GRM5: variants seen among roughly 807,000 people sequenced by gnomAD.
GRM5 encodes the protein glutamate metabotropic receptor 5, also known as metabotropic glutamate receptor 5.
In GRM5, 19 loss-of-function variants were observed where a neutral mutation model predicts 83.1. The observed-to-expected ratio is 0.23, with a 90% CI of 0.16 to 0.34. The LOEUF (loss-of-function observed/expected upper bound fraction) is 0.34. Among genes scored for constraint, GRM5 ranks in the 10% least tolerant of loss-of-function variants. GRM5 has a pLI of 1.00. For synonymous variants in GRM5, 675 were observed against 633.6 expected (o/e 1.07, Z -0.98); for missense variants, 1,160 against 1,588.3 (o/e 0.73, Z 4.58).
At chr11:89,014,494 A>C (rs1311751320) in intron 2 of GRM5, among the ~76,000 whole-genome samples, 1 of 151,988 alleles carries the variant, frequency 6.6e-6, no homozygotes, top group Non-Finnish European at 1.5e-5. Context: ...GTACATAGAG[A>C]GTAGAAAAAT....
intron 3 of GRM5, among the ~76,000 whole-genome samples, chr11:88,724,139 C>A (rs1941616464): frequency 6.6e-6 from 1 of 152,166 alleles, no homozygotes; most frequent in Non-Finnish European, 1.5e-5. Flanking sequence ...TGACCATTTT[C>A]TTTCCTGCTT....
intron 2 of GRM5, among the ~76,000 whole-genome samples, chr11:88,987,403 C>A (rs1939764106): frequency 6.6e-6 from 1 of 152,050 alleles, no homozygotes; most frequent in Admixed American, 6.6e-5. Flanking sequence ...AGTCTGAGAT[C>A]AAACTGCAAG....
At chr11:88,996,786 A>G (rs1940198699) in intron 2 of GRM5, among the ~76,000 whole-genome samples, 1 of 152,256 alleles carries the variant, frequency 6.6e-6, no homozygotes, top group Admixed American at 6.5e-5. Context: ...ACTTGAAATC[A>G]TGCAGAATGT....
At chr11:88,942,283 G>C (rs957920115) in intron 2 of GRM5, among the ~76,000 whole-genome samples, 1 of 151,984 alleles carries the variant, frequency 6.6e-6, no homozygotes, top group African/African-American at 2.4e-5. Flanking sequence ...CAAATGATTT[G>C]GCAAGAGGGA....
intron 2 of GRM5, among the ~76,000 whole-genome samples, chr11:89,016,488 T>C (rs1940859545): frequency 6.6e-6 from 1 of 152,108 alleles, no homozygotes; most frequent in South Asian, 2.1e-4. Context: ...TAATATTACA[T>C]TTCCAATATT....
chr11:88,979,272 T>C (rs904109879), intron 2 of GRM5, among the ~76,000 whole-genome samples: 1 of 152,166 alleles, frequency 6.6e-6, no homozygotes, highest in Non-Finnish European at 1.5e-5. Context: ...CTAACTAGTC[T>C]CACTATCATG....
intron 3 of GRM5, among the ~76,000 whole-genome samples, chr11:88,743,773 C>T (rs555295251): frequency 1.3e-5 from 2 of 152,230 alleles, no homozygotes; most frequent in Admixed American, 6.5e-5. Flanking sequence ...TAACAATTTT[C>T]CACAAGTAGT....
chr11:88,942,382 T>G (rs1218186865), intron 2 of GRM5, among the ~76,000 whole-genome samples: 1 of 152,106 alleles, frequency 6.6e-6, no homozygotes, highest in East Asian at 1.9e-4. Context: ...TCTAGTGTAA[T>G]TTGTCTGTTT....
At chr11:88,758,411 A>G (rs1333473213) in intron 3 of GRM5, among the ~76,000 whole-genome samples, 2 of 152,204 alleles carry the variant, frequency 1.3e-5, no homozygotes, top group African/African-American at 2.4e-5. Flanking sequence ...GACGTGGAAG[A>G]CACACTACAA....
intron 4 of GRM5, among the ~76,000 whole-genome samples, chr11:88,641,025 T>C (rs1939280038): frequency 6.6e-6 from 1 of 152,082 alleles, no homozygotes; most frequent in South Asian, 2.1e-4. Flanking sequence ...GGGAACTTAA[T>C]AAGAAAAGAA....
intron 2 of GRM5, among the ~76,000 whole-genome samples, chr11:88,879,261 TAACA>T (rs1944910403): frequency 6.6e-6 from 1 of 151,954 alleles, no homozygotes; most frequent in African/African-American, 2.4e-5. Flanking sequence ...CTCTTAAAAA[TAACA>T]AACTGGGAGG....
rs186416440 is a variant in GRM5 at position 88,722,261 on chromosome 11, T to C, written c.912-68858A>G. Among the ~76,000 whole-genome samples the C allele has an allele frequency of 1.5e-3, 221 of 152,164 alleles. 2 individuals are homozygous for C. The highest frequency in any genetic ancestry group is 5.1e-3 in the African/African-American group (212 of 41,536). On this transcript the variant is annotated intron_variant, in intron 3 of 9. Coordinates refer to ENST00000305447, the MANE Select transcript of GRM5 (RefSeq NM_001143831.3). ...CTGTTAAACCACTCCTCTAAAACTG[T>C]GGAAAAATGAGTTGGTATCACTGTA...
At chr11:88,695,289 GAA>G (rs931810063) in intron 3 of GRM5, among the ~76,000 whole-genome samples, 1 of 150,756 alleles carries the variant, frequency 6.6e-6, no homozygotes, top group African/African-American at 2.4e-5. Context: ...CTTAGATGTT[GAA>G]AAAAAAAGAT....
chr11:89,014,961 A>G (rs189783440), intron 2 of GRM5, among the ~76,000 whole-genome samples: 396 of 152,298 alleles, frequency 2.6e-3, no homozygotes, highest in African/African-American at 9.3e-3. Context: ...TCCATCTTTC[A>G]CTAGGGCTGA....
intron 2 of GRM5, among the ~76,000 whole-genome samples, chr11:88,979,355 G>A (rs1247673204): frequency 6.6e-6 from 1 of 152,060 alleles, no homozygotes; most frequent in African/African-American, 2.4e-5. Flanking sequence ...TTGAAACACT[G>A]GAACCAAATA....
intron 2 of GRM5, among the ~76,000 whole-genome samples, chr11:89,013,738 A>T (rs777877812): frequency 7.2e-5 from 11 of 152,210 alleles, no homozygotes; most frequent in Non-Finnish European, 1.6e-4. Context: ...TCTACTGAGA[A>T]ATGGTTTTTA....
At chr11:88,726,287 CA>C (rs1401238300) in intron 3 of GRM5, among the ~76,000 whole-genome samples, 3 of 152,022 alleles carry the variant, frequency 2.0e-5, no homozygotes, top group Non-Finnish European at 4.4e-5. Context: ...GAAAGGATAT[CA>C]GAGATTGAAG....
At chr11:88,596,511 A>G (rs1363134516) in intron 6 of GRM5, among the ~76,000 whole-genome samples, 2 of 152,168 alleles carry the variant, frequency 1.3e-5, no homozygotes, top group Admixed American at 6.5e-5. Flanking sequence ...TATAATAACC[A>G]TTTAGAGCAT....
chr11:89,060,094 C>G (rs1384075699), intron 1 of GRM5, among the ~76,000 whole-genome samples: 1 of 152,014 alleles, frequency 6.6e-6, no homozygotes, highest in African/African-American at 2.4e-5. Flanking sequence ...TCACTGGAAA[C>G]CACAGTAAAA....
Sources: gnomAD v4.1 joint callset for allele counts (sites outside exome capture counted in the v4.1 genomes callset) on GRCh38, gnomAD v4.1.1 for gene constraint, MANE v1.5 for transcripts, NCBI Gene and HGNC (gene_info 2026-07-23, HGNC 2026-07-21) for gene names.